STK33: variants seen among roughly 807,000 people sequenced by gnomAD.
STK33 encodes the protein serine/threonine-protein kinase 33.
Under a neutral mutation model 58.0 loss-of-function variants are expected in STK33, and 52 were observed. That is an observed-to-expected ratio of 0.90 (90% CI 0.72 to 1.13). STK33 has a LOEUF of 1.13. Among genes scored for constraint, STK33 ranks in the 50% most tolerant of loss-of-function variants. The pLI, the probability that STK33 is intolerant of heterozygous loss-of-function variation, is 0.00. For synonymous variants in STK33, 215 were observed against 200.1 expected (o/e 1.07, Z -0.63); for missense variants, 630 against 604.2 (o/e 1.04, Z -0.45).
intron 1 of STK33, among the ~76,000 whole-genome samples, chr11:8,500,047 T>A (rs1336824063): frequency 6.6e-6 from 1 of 152,152 alleles, no homozygotes; most frequent in South Asian, 2.1e-4. Context: ...TCTGCACATG[T>A]ACCCCAGAAC....
chr11:8,555,134 C>T, intron 1 of STK33: 1 of 151,816 alleles, frequency 6.6e-6, no homozygotes, highest in East Asian at 1.9e-4. Context: ...TTGTTTACCT[C>T]CCTTGGGCAT....
At position 8,492,564 on chromosome 11, in the gene STK33, C is replaced by T. The variant is rs142537489; in HGVS notation, c.-465-11950G>A. Among the ~76,000 whole-genome samples, 625 of 152,250 alleles carry T rather than the reference C, an allele frequency of 4.1e-3. 6 individuals carry two copies. Among genetic ancestry groups the T allele is most frequent in the African/African-American group, 0.014 (599 of 41,534 alleles). On this transcript the variant is annotated intron_variant, in intron 1 of 15. Coordinates refer to ENST00000687296, the MANE Select transcript of STK33 (RefSeq NM_001352389.2). ...GAGACAGAAAGTTAACAAGGATATC[C>T]AGGACTTGAACTCAGCTGTGCACCA...
chr11:8,383,382 C>T, the STK33 span, among the ~76,000 whole-genome samples: 1 of 152,100 alleles, frequency 6.6e-6, no homozygotes, highest in South Asian at 2.1e-4. Context: ...TAGGTGTTTC[C>T]AGAGTGGAAT....
chr11:8,458,337 A>G (rs983206408), intron 8 of STK33, among the ~76,000 whole-genome samples: 6 of 151,908 alleles, frequency 3.9e-5, no homozygotes, highest in African/African-American at 1.5e-4. Flanking sequence ...TTTCAGGTTT[A>G]TAGAATTTTT....
At chr11:8,534,665 A>T (rs1261474342) in intron 1 of STK33, among the ~76,000 whole-genome samples, 1 of 147,004 alleles carries the variant, frequency 6.8e-6, no homozygotes, top group Non-Finnish European at 1.5e-5. Context: ...TCTAAGGCAT[A>T]AAAAAATGGC....
At chr11:8,380,389 G>A in the STK33 span, among the ~76,000 whole-genome samples, 4 of 151,974 alleles carry the variant, frequency 2.6e-5, no homozygotes, top group South Asian at 4.2e-4. Flanking sequence ...GTGAAACCTC[G>A]TCTCTACTAA....
At chr11:8,573,556 T>G (rs187587055) in intron 1 of STK33, among the ~76,000 whole-genome samples, 43 of 152,248 alleles carry the variant, frequency 2.8e-4, no homozygotes, top group African/African-American at 9.6e-4. Flanking sequence ...ACTTATTACA[T>G]GACCCAGTCG....
chr11:8,507,960 G>A (rs1407038843), intron 1 of STK33, among the ~76,000 whole-genome samples: 1 of 152,126 alleles, frequency 6.6e-6, no homozygotes, highest in South Asian at 2.1e-4. Flanking sequence ...GCACGATCTC[G>A]GCTCACTGCA....
intron 1 of STK33, among the ~76,000 whole-genome samples, chr11:8,558,708 C>A (rs185065333): frequency 7.9e-5 from 12 of 152,202 alleles, no homozygotes; most frequent in African/African-American, 2.9e-4. Context: ...TTGTGTGTTC[C>A]TGCTGGGCTC....
intron 1 of STK33, among the ~76,000 whole-genome samples, chr11:8,513,461 G>A (rs1342342635): frequency 2.6e-5 from 4 of 152,140 alleles, no homozygotes; most frequent in Non-Finnish European, 5.9e-5. Context: ...TAGTGCTACT[G>A]ATATTACTGT....
At chr11:8,482,098 C>A (rs1293637731) in intron 1 of STK33, among the ~76,000 whole-genome samples, 1 of 152,152 alleles carries the variant, frequency 6.6e-6, no homozygotes, top group Non-Finnish European at 1.5e-5. Flanking sequence ...TGCTTGTTTT[C>A]TGGGAGAGCC....
intron 1 of STK33, among the ~76,000 whole-genome samples, chr11:8,498,103 CATT>C (rs779687241): frequency 3.9e-5 from 6 of 152,058 alleles, no homozygotes; most frequent in Non-Finnish European, 7.4e-5. Context: ...TAATCCAACA[CATT>C]ATTAATACAA....
chr11:8,504,347 T>G (rs1951722502), intron 1 of STK33, among the ~76,000 whole-genome samples: 2 of 152,284 alleles, frequency 1.3e-5, no homozygotes, highest in Admixed American at 1.3e-4. Context: ...GACAACTAGG[T>G]CAATTCTCAC....
chr11:8,544,856 G>T (rs568868267), intron 1 of STK33, among the ~76,000 whole-genome samples: 2 of 152,138 alleles, frequency 1.3e-5, no homozygotes, highest in Non-Finnish European at 2.9e-5. Flanking sequence ...GTTGTCCTTA[G>T]AGACAAATGT....
At chr11:8,536,988 T>TG (rs2140254938) in intron 1 of STK33, among the ~76,000 whole-genome samples, 1 of 120,498 alleles carries the variant, frequency 8.3e-6, no homozygotes, top group Non-Finnish European at 1.8e-5. Flanking sequence ...TTTTTTTTTT[T>TG]TTTTTTTTTT....
chr11:8,414,754 C>T (rs930771940), intron 14 of STK33, among the ~76,000 whole-genome samples: 1 of 152,154 alleles, frequency 6.6e-6, no homozygotes, highest in South Asian at 2.1e-4. Context: ...AGTACTCCTA[C>T]CACGTTCATA....
intron 1 of STK33, among the ~76,000 whole-genome samples, chr11:8,536,364 G>C (rs1008052751): frequency 6.6e-6 from 1 of 152,090 alleles, no homozygotes; most frequent in Non-Finnish European, 1.5e-5. Context: ...AAAGAGCCCA[G>C]AGACTTCAGA....
Position 8,435,730 on chromosome 11 carries a change from G to C in STK33, c.1061-151C>G, listed in dbSNP as rs554259878. On this transcript the variant is annotated intron_variant, in intron 13 of 15. Transcript: ENST00000687296. ...TCAGTATAAATGCCTAATAAATATAGTTTAAAGCCTAAAGTGAAGTTTTAT... is the reference window on the plus strand; with the variant it reads ...TCAGTATAAATGCCTAATAAATATACTTTAAAGCCTAAAGTGAAGTTTTAT... 42 of 464,686 alleles carry C rather than the reference G, an allele frequency of 9.0e-5. No individual in the cohort carries two copies. The highest frequency in any genetic ancestry group is 7.8e-4 in the African/African-American group (39 of 50,270). 28.8% of individuals were successfully genotyped at this position (464,686 alleles called of 1,614,324 possible).
chr11:8,532,899 C>T (rs1954666789), intron 1 of STK33, among the ~76,000 whole-genome samples: 1 of 152,168 alleles, frequency 6.6e-6, no homozygotes, highest in South Asian at 2.1e-4. Flanking sequence ...TCAGATTTTG[C>T]TCCAAAGGCT....
Sources: allele counts gnomAD v4.1 joint callset (sites outside exome capture counted in the v4.1 genomes callset), GRCh38; gene constraint gnomAD v4.1.1; transcripts MANE v1.5; gene names NCBI Gene and HGNC (gene_info 2026-07-23, HGNC 2026-07-21).